THSD7B: variants seen among roughly 807,000 people sequenced by gnomAD.
THSD7B encodes thrombospondin type-1 domain-containing protein 7B.
THSD7B carries 138 observed loss-of-function variants against 213.6 expected under a neutral mutation model. That is an observed-to-expected ratio of 0.65 (90% CI 0.56 to 0.74). THSD7B has a LOEUF of 0.74. Among genes scored for constraint, THSD7B ranks in the 30% least tolerant of loss-of-function variants. The probability of loss-of-function intolerance (pLI) is 0.00; values close to 1 mark genes in which losing one functional copy is unlikely to be tolerated. For missense variants in THSD7B, 1,931 were observed against 1,991.5 expected (o/e 0.97, Z 0.58); for synonymous variants, 742 against 687.0 (o/e 1.08, Z -1.25).
At chr2:137,160,169 T>A in intron 5 of THSD7B, 44 bp from the exon 6 acceptor site, 1 of 1,579,796 alleles carries the variant, frequency 6.3e-7, no homozygotes, top group African/African-American at 1.4e-5. Flanking sequence ...ATGCTAAGGA[T>A]GTCCAGAGAA....
chr2:136,830,398 GC>G (rs1682732647), intron 1 of THSD7B, among the ~76,000 whole-genome samples: 1 of 67,136 alleles, frequency 1.5e-5, no homozygotes. Context: ...AATAAGTTAG[GC>G]CCCCAGTGAT....
In THSD7B at chr2:136,790,252, C is replaced by T. The variant is rs573740444; in HGVS notation, c.-36+24565C>T. Among the ~76,000 whole-genome samples, 8 of 151,730 alleles carry T rather than the reference C, an allele frequency of 5.3e-5. No individual in the cohort carries two copies. In the South Asian group the frequency reaches 1.7e-3, roughly 32 times the overall value. ...CTCACTTTTGATGAATTATGTTTCACCACAGGTAATAAACCCCACTGAGTT... is the reference window on the plus strand; with the variant it reads ...CTCACTTTTGATGAATTATGTTTCATCACAGGTAATAAACCCCACTGAGTT... On this transcript the variant is annotated intron_variant, in intron 1 of 27. Transcript: ENST00000409968.
rs1285249519 is a variant in THSD7B, at chr2:137,056,725, C to G, written c.445C>G (p.Leu149Val). 1 of 1,613,998 alleles carries G rather than the reference C, an allele frequency of 6.2e-7. No individual in the cohort carries two copies. The highest frequency in any genetic ancestry group is 1.1e-5 in the South Asian group (1 of 91,078). Residue 149 changes from leucine to valine, a missense_variant, in exon 3 of 28, where the codon CTG becomes GTG. Physicochemically the swap from Leu to Val is conservative, Grantham distance 32 (BLOSUM62 1). Coordinates refer to ENST00000409968, the MANE Select transcript of THSD7B (RefSeq NM_001316349.2). ...CCGGATGGTGCGCTGCATTCAGAAG[C>G]TGAACCGAACTGTGGTTGCAAATGA... The part of the protein sequence containing the change: ...QHRMVRCIQK[L>V]NRTVVANEIC...
At chr2:137,239,706 C>A (rs1681858114) in intron 9 of THSD7B, among the ~76,000 whole-genome samples, 1 of 152,184 alleles carries the variant, frequency 6.6e-6, no homozygotes, top group African/African-American at 2.4e-5. Flanking sequence ...TGTTGGCATT[C>A]TCTTGGTTGG....
At chr2:136,792,559 A>G (rs1459166369) in intron 1 of THSD7B, among the ~76,000 whole-genome samples, 7 of 152,026 alleles carry the variant, frequency 4.6e-5, no homozygotes, top group Admixed American at 4.6e-4. Flanking sequence ...ATAGATTGTG[A>G]CAAATGTACC....
intron 14 of THSD7B, among the ~76,000 whole-genome samples, chr2:137,420,728 CAT>C (rs1016567942): frequency 1.2e-4 from 19 of 152,168 alleles, no homozygotes; most frequent in African/African-American, 4.6e-4. Context: ...TTTTAATTCA[CAT>C]ATGTGAATTC....
chr2:137,144,670 G>A (rs948690895), intron 5 of THSD7B, among the ~76,000 whole-genome samples: 1 of 151,804 alleles, frequency 6.6e-6, no homozygotes, highest in Non-Finnish European at 1.5e-5. Flanking sequence ...ATGACTATCT[G>A]GTGGAAATAG....
intron 1 of THSD7B, among the ~76,000 whole-genome samples, chr2:136,773,952 C>G (rs1681556518): frequency 6.6e-6 from 1 of 151,736 alleles, no homozygotes; most frequent in Admixed American, 6.6e-5. Flanking sequence ...AAAAACCCAT[C>G]AGATAGGAAG....
At chr2:137,340,159 ACTTTC>A (rs977742747) in intron 12 of THSD7B, among the ~76,000 whole-genome samples, 22 of 151,870 alleles carry the variant, frequency 1.4e-4, no homozygotes, top group Admixed American at 2.6e-4. Context: ...TACTTCCCAC[ACTTTC>A]CTTTAATCAA....
At chr2:136,861,486 T>C (rs544889804) in intron 1 of THSD7B, among the ~76,000 whole-genome samples, 76 of 152,300 alleles carry the variant, frequency 5.0e-4, no homozygotes, top group African/African-American at 1.8e-3. Flanking sequence ...TGGGAGGCAA[T>C]AGTGTTTCAG....
At chr2:137,068,354 A>G (rs772404688) in intron 3 of THSD7B, among the ~76,000 whole-genome samples, 8 of 152,152 alleles carry the variant, frequency 5.3e-5, no homozygotes, top group Non-Finnish European at 8.8e-5. Context: ...TCAAATGACT[A>G]TGAAATGGTT....
At position 137,656,987 on chromosome 2, in the gene THSD7B, C is replaced by T. The variant is rs1216912726; in HGVS notation, c.4279+18C>T. ...TTGTACAGGTACCAAGAGCACTTTT[C>T]AGTTCTTTAGCCTTCATTGATCAAT... On this transcript the variant is annotated intron_variant, in intron 23 of 27. Transcript: ENST00000409968. 6.2e-7 allele frequency: 1 copy of T among 1,613,480 alleles called. No homozygotes were observed. Among genetic ancestry groups the T allele is most frequent in the African/African-American group, 1.3e-5 (1 of 75,012 alleles).
intron 1 of THSD7B, among the ~76,000 whole-genome samples, chr2:136,865,012 C>G (rs1324151075): frequency 6.6e-6 from 1 of 152,108 alleles, no homozygotes; most frequent in East Asian, 1.9e-4. Context: ...GATATGAATT[C>G]TTTTGTGCAC....
chr2:137,169,143 A>G (rs1680191440), intron 6 of THSD7B, among the ~76,000 whole-genome samples: 2 of 149,978 alleles, frequency 1.3e-5, no homozygotes, highest in South Asian at 4.3e-4. Flanking sequence ...GTCTCTTTTA[A>G]AGGGAGGTTC....
At chr2:137,357,111 A>C (rs1401854553) in intron 12 of THSD7B, among the ~76,000 whole-genome samples, 1 of 152,148 alleles carries the variant, frequency 6.6e-6, no homozygotes, top group African/African-American at 2.4e-5. Flanking sequence ...TATTAATGAC[A>C]TTATACGTGT....
intron 14 of THSD7B, among the ~76,000 whole-genome samples, chr2:137,417,459 G>A (rs999640308): frequency 3.3e-5 from 5 of 151,758 alleles, no homozygotes; most frequent in Non-Finnish European, 7.4e-5. Flanking sequence ...CTTTATTTTT[G>A]AGACAAAGTT....
At chr2:136,847,395 A>C (rs1426238514) in intron 1 of THSD7B, among the ~76,000 whole-genome samples, 1 of 152,140 alleles carries the variant, frequency 6.6e-6, no homozygotes, top group African/African-American at 2.4e-5. Context: ...TTCTATTTGG[A>C]TAGGATTACA....
At chr2:137,010,404 T>C (rs766353887) in intron 2 of THSD7B, among the ~76,000 whole-genome samples, 18 of 152,238 alleles carry the variant, frequency 1.2e-4, no homozygotes, top group Non-Finnish European at 2.1e-4. Flanking sequence ...TTCCATGACC[T>C]GCTATTTTCT....
intron 12 of THSD7B, among the ~76,000 whole-genome samples, chr2:137,328,615 A>T (rs947855066): frequency 6.6e-6 from 1 of 152,226 alleles, no homozygotes; most frequent in African/African-American, 2.4e-5. Context: ...GTTTTACAAA[A>T]GTGAACCATT....
Sources: gnomAD v4.1 joint callset for allele counts (sites outside exome capture counted in the v4.1 genomes callset) on GRCh38, gnomAD v4.1.1 for gene constraint, MANE v1.5 for transcripts, NCBI Gene and HGNC (gene_info 2026-07-23, HGNC 2026-07-21) for gene names.